HEMK2: variants seen among roughly 807,000 people sequenced by gnomAD.
HEMK2 encodes HemK methyltransferase 2, ETF1 glutamine and histone H4 lysine.
chr21:28,599,573 C>G, the HEMK2 span, among the ~76,000 whole-genome samples: 1 of 152,112 alleles, frequency 6.6e-6, no homozygotes, highest in African/African-American at 2.4e-5. Flanking sequence ...GACTCAGAGC[C>G]AAACCATTTC....
chr21:28,871,920 G>A, the HEMK2 span, among the ~76,000 whole-genome samples: 1 of 121,080 alleles, frequency 8.3e-6, no homozygotes, highest in Non-Finnish European at 2.1e-5. Flanking sequence ...AGATTTTCCT[G>A]TTCTTACAAG....
At chr21:28,647,900 T>C in the HEMK2 span, among the ~76,000 whole-genome samples, 1 of 152,200 alleles carries the variant, frequency 6.6e-6, no homozygotes, top group Non-Finnish European at 1.5e-5. Flanking sequence ...AAGATCAAAC[T>C]TTCCCTCTTC....
the HEMK2 span, among the ~76,000 whole-genome samples, chr21:28,679,053 T>G: frequency 2.0e-5 from 3 of 152,088 alleles, no homozygotes; most frequent in African/African-American, 7.2e-5. Flanking sequence ...AATATTAACC[T>G]TAAATGTAAA....
chr21:28,648,787 T>A, the HEMK2 span, among the ~76,000 whole-genome samples: 1 of 152,196 alleles, frequency 6.6e-6, no homozygotes, highest in Non-Finnish European at 1.5e-5. Flanking sequence ...TTTATTTATT[T>A]ATTTTTATTT....
the HEMK2 span, among the ~76,000 whole-genome samples, chr21:28,808,934 A>C: frequency 6.6e-6 from 1 of 152,162 alleles, no homozygotes; most frequent in Non-Finnish European, 1.5e-5. Flanking sequence ...AAGATAACTC[A>C]TTTTTCAAAG....
At chr21:28,641,709 A>G in the HEMK2 span, among the ~76,000 whole-genome samples, 17 of 152,358 alleles carry the variant, frequency 1.1e-4, no homozygotes, top group East Asian at 3.1e-3. Flanking sequence ...AGAAAAATAT[A>G]GTGGTTTTTG....
At chr21:28,724,077 G>A in the HEMK2 span, among the ~76,000 whole-genome samples, 4 of 152,212 alleles carry the variant, frequency 2.6e-5, no homozygotes, top group Non-Finnish European at 5.9e-5. Context: ...CACACGTTGA[G>A]GAACCACCCA....
chr21:28,748,998 A>C, the HEMK2 span, among the ~76,000 whole-genome samples: 1 of 152,230 alleles, frequency 6.6e-6, no homozygotes, highest in Admixed American at 6.5e-5. Flanking sequence ...TTAACATATT[A>C]TCAGACCTTG....
the HEMK2 span, among the ~76,000 whole-genome samples, chr21:28,866,496 T>C: frequency 1.3e-5 from 2 of 151,664 alleles, no homozygotes; most frequent in Non-Finnish European, 2.9e-5. Context: ...CTAATAAGCA[T>C]TAGTTTCACA....
the HEMK2 span, among the ~76,000 whole-genome samples, chr21:28,610,385 T>A: frequency 6.6e-6 from 1 of 152,108 alleles, no homozygotes. Flanking sequence ...GCCAGCACTA[T>A]AAGAACTGCT....
the HEMK2 span, among the ~76,000 whole-genome samples, chr21:28,693,557 T>C: frequency 6.6e-6 from 1 of 152,258 alleles, no homozygotes; most frequent in South Asian, 2.1e-4. Context: ...TTCAACATTT[T>C]GATTGCTGCA....
chr21:28,880,761 A>G, the HEMK2 span, among the ~76,000 whole-genome samples: 1 of 149,848 alleles, frequency 6.7e-6, no homozygotes, highest in African/African-American at 2.5e-5. Flanking sequence ...AAAGAAAGAA[A>G]GAAATTTTTT....
chr21:28,740,449 A>G, the HEMK2 span, among the ~76,000 whole-genome samples: 1 of 152,224 alleles, frequency 6.6e-6, no homozygotes, highest in Non-Finnish European at 1.5e-5. Flanking sequence ...ATTTCAGCCT[A>G]CTTTACAGTC....
chr21:28,638,821 A>G, the HEMK2 span, among the ~76,000 whole-genome samples: 1 of 152,194 alleles, frequency 6.6e-6, no homozygotes, highest in Non-Finnish European at 1.5e-5. Flanking sequence ...CCAGCACGCT[A>G]GCTTGAGCTC....
chr21:28,818,709 C>G, the HEMK2 span, among the ~76,000 whole-genome samples: 3 of 152,196 alleles, frequency 2.0e-5, no homozygotes, highest in African/African-American at 7.2e-5. Context: ...TGGAGCCTCA[C>G]AGGGACTGCA....
the HEMK2 span, among the ~76,000 whole-genome samples, chr21:28,603,615 T>A: frequency 7.1e-6 from 1 of 139,894 alleles, no homozygotes; most frequent in African/African-American, 2.6e-5. Flanking sequence ...AAGGGGAAAG[T>A]AACATAAAAC....
At chr21:28,676,373 C>A in the HEMK2 span, among the ~76,000 whole-genome samples, 1 of 151,592 alleles carries the variant, frequency 6.6e-6, no homozygotes, top group Admixed American at 6.6e-5. Flanking sequence ...ACAATAGGAC[C>A]TCATTTTAAT....
the HEMK2 span, among the ~76,000 whole-genome samples, chr21:28,601,803 G>A: frequency 3.9e-5 from 6 of 152,136 alleles, no homozygotes; most frequent in Admixed American, 1.3e-4. Flanking sequence ...GAATGAATGA[G>A]TGAATGAATG....
At chr21:28,883,097 G>T in the HEMK2 span, 1 of 1,494,342 alleles carries the variant, frequency 6.7e-7, no homozygotes, top group Non-Finnish European at 9.2e-7. Context: ...ATAAATATTA[G>T]TATAGTAGAA....
Sources: gnomAD v4.1 joint callset for allele counts (sites outside exome capture counted in the v4.1 genomes callset) on GRCh38, gnomAD v4.1.1 for gene constraint, MANE v1.5 for transcripts, NCBI Gene and HGNC (gene_info 2026-07-23, HGNC 2026-07-21) for gene names.